The following HECW1 variants were observed in gnomAD, a reference collection of about 807,000 sequenced individuals.
HECW1 encodes the protein HECT, C2 and WW domain containing E3 ubiquitin protein ligase 1, also known as E3 ubiquitin-protein ligase HECW1.
Under a neutral mutation model 182.3 loss-of-function variants are expected in HECW1, and 61 were observed. That is an observed-to-expected ratio of 0.33 (90% CI 0.27 to 0.41). The LOEUF is 0.41. Among genes scored for constraint, HECW1 ranks in the 10% least tolerant of loss-of-function variants. The pLI, the probability that HECW1 is intolerant of heterozygous loss-of-function variation, is 1.00. For synonymous variants in HECW1, 859 were observed against 832.6 expected (o/e 1.03, Z -0.55); for missense variants, 1,739 against 2,108.9 (o/e 0.82, Z 3.44).
At chr7:43,536,961 C>T (rs1033847143) in intron 24 of HECW1, among the ~76,000 whole-genome samples, 4 of 152,202 alleles carry the variant, frequency 2.6e-5, no homozygotes, top group African/African-American at 9.7e-5. Context: ...GCGGCACCAG[C>T]ACAGGCAGCG....
intron 2 of HECW1, among the ~76,000 whole-genome samples, chr7:43,218,418 A>C (rs1796635153): frequency 2.6e-5 from 4 of 152,216 alleles, no homozygotes; most frequent in African/African-American, 9.7e-5. Flanking sequence ...GCAGTGGTTT[A>C]GGATATCACA....
chr7:43,487,218 C>A (rs961094274), intron 17 of HECW1, among the ~76,000 whole-genome samples: 3 of 152,116 alleles, frequency 2.0e-5, no homozygotes, highest in Non-Finnish European at 2.9e-5. Context: ...CTAAAACATG[C>A]AATTTTCAAT....
chr7:43,479,788 CT>C (rs753376700), intron 17 of HECW1, 44 bp downstream of exon 17: 2 of 1,609,630 alleles, frequency 1.2e-6, no homozygotes, highest in Admixed American at 1.7e-5. Context: ...CGGTCACAGT[CT>C]CTGCCTCTTC....
chr7:43,299,098 G>T (rs919714473), intron 3 of HECW1, among the ~76,000 whole-genome samples: 3 of 152,150 alleles, frequency 2.0e-5, no homozygotes, highest in African/African-American at 7.2e-5. Context: ...CCGTATCCTC[G>T]AGGCCAGAGA....
chr7:43,354,882 G>A (rs769825178), intron 5 of HECW1, among the ~76,000 whole-genome samples: 6 of 152,030 alleles, frequency 3.9e-5, no homozygotes, highest in Non-Finnish European at 7.4e-5. Flanking sequence ...ACTTTCAAAG[G>A]TCAAGGACAA....
intron 2 of HECW1, among the ~76,000 whole-genome samples, chr7:43,231,259 A>G (rs1040492326): frequency 6.6e-6 from 1 of 152,220 alleles, no homozygotes; most frequent in African/African-American, 2.4e-5. Context: ...GCTGGGAATC[A>G]TATGTCCCTC....
intron 3 of HECW1, among the ~76,000 whole-genome samples, chr7:43,259,985 A>C (rs532588523): frequency 3.3e-5 from 5 of 152,354 alleles, no homozygotes; most frequent in African/African-American, 1.2e-4. Context: ...TAAGTAGTAG[A>C]GACACAAATA....
intron 7 of HECW1, among the ~76,000 whole-genome samples, chr7:43,406,870 G>A (rs925777881): frequency 6.6e-6 from 1 of 152,126 alleles, no homozygotes; most frequent in Non-Finnish European, 1.5e-5. Flanking sequence ...AGTGAGCCAA[G>A]ATCCCACCAC....
At chr7:43,494,876 C>T (rs1041453717) in intron 19 of HECW1, among the ~76,000 whole-genome samples, 1 of 152,076 alleles carries the variant, frequency 6.6e-6, no homozygotes, top group African/African-American at 2.4e-5. Flanking sequence ...CCTAACTCTC[C>T]ATCCTGCACT....
chr7:43,133,493 A>G (rs1361073132), intron 2 of HECW1, among the ~76,000 whole-genome samples: 3 of 151,912 alleles, frequency 2.0e-5, no homozygotes, highest in Non-Finnish European at 4.4e-5. Context: ...CAAATAAATT[A>G]TCTTTTCCTA....
intron 16 of HECW1, among the ~76,000 whole-genome samples, chr7:43,476,803 T>C (rs117407647): frequency 6.6e-6 from 1 of 152,216 alleles, no homozygotes; most frequent in East Asian, 1.9e-4. Context: ...AGATTTAGTG[T>C]TAACGATTAA....
chr7:43,554,575 C>A lies in HECW1; in HGVS notation c.4511-17C>A. On this transcript the variant is annotated splice_polypyrimidine_tract_variant and intron_variant, in intron 28 of 29. Transcript: ENST00000395891. ...TTCTCCACATCCTGTCTTCCTCCCT[C>A]CCTTTGCCTCGTGCAGGTTACCACG... 6.2e-7 allele frequency: 1 copy of A among 1,605,318 alleles called. No homozygotes were observed. The highest frequency in any genetic ancestry group is 1.3e-5 in the African/African-American group (1 of 74,906).
At chr7:43,492,233 C>A in intron 18 of HECW1, 53 bp downstream of exon 18, 1 of 1,282,990 alleles carries the variant, frequency 7.8e-7, no homozygotes, top group Non-Finnish European at 1.1e-6. Flanking sequence ...AACACCTAGA[C>A]TTGATTTTTT....
chr7:43,371,060 T>C (rs1273850295), intron 6 of HECW1, among the ~76,000 whole-genome samples: 1 of 152,076 alleles, frequency 6.6e-6, no homozygotes, highest in Non-Finnish European at 1.5e-5. Flanking sequence ...GCTAATTTTT[T>C]GTATTTTTAG....
chr7:43,304,150 T>C (rs1261051073), intron 3 of HECW1, among the ~76,000 whole-genome samples: 1 of 152,088 alleles, frequency 6.6e-6, no homozygotes, highest in Non-Finnish European at 1.5e-5. Flanking sequence ...TTTAGACTGT[T>C]AGGACCAGCA....
chr7:43,351,781 GGCTTAGAATGAT>G (rs1814510030), intron 5 of HECW1, among the ~76,000 whole-genome samples: 1 of 150,634 alleles, frequency 6.6e-6, no homozygotes, highest in Non-Finnish European at 1.5e-5. Context: ...AATCAGATGA[GGCTTAGAATGAT>G]GCTACTTTCC....
intron 5 of HECW1, among the ~76,000 whole-genome samples, chr7:43,322,699 A>G (rs1054467630): frequency 2.6e-5 from 4 of 152,036 alleles, no homozygotes. Flanking sequence ...CCTGATATAA[A>G]CCTCCTAAAG....
intron 17 of HECW1, among the ~76,000 whole-genome samples, chr7:43,488,418 G>GAGAAAGAA (rs1554440413): frequency 1.2e-5 from 1 of 84,914 alleles, no homozygotes; most frequent in Non-Finnish European, 2.5e-5. Context: ...GAAAGAGAGA[G>GAGAAAGAA]AGAGAAAGAA....
At chr7:43,183,229 C>T (rs1308634062) in intron 2 of HECW1, among the ~76,000 whole-genome samples, 1 of 152,188 alleles carries the variant, frequency 6.6e-6, no homozygotes, top group Admixed American at 6.5e-5. Flanking sequence ...ACATCAGTCT[C>T]ATAAACCTTT....
Sources: allele counts gnomAD v4.1 joint callset (sites outside exome capture counted in the v4.1 genomes callset), GRCh38; gene constraint gnomAD v4.1.1; transcripts MANE v1.5; gene names NCBI Gene and HGNC (gene_info 2026-07-23, HGNC 2026-07-21).